FOXP2: variants seen among roughly 807,000 people sequenced by gnomAD.
FOXP2 encodes the protein forkhead box protein P2.
Under a neutral mutation model 115.8 loss-of-function variants are expected in FOXP2, and 12 were observed. The observed-to-expected ratio is 0.10, with a 90% CI of 0.07 to 0.17. FOXP2 has a LOEUF of 0.17. FOXP2 is among the 10% of genes least tolerant of loss of function. FOXP2 has a pLI of 1.00. For missense variants in FOXP2, 629 were observed against 843.5 expected (o/e 0.75, Z 3.15); for synonymous variants, 328 against 297.7 (o/e 1.10, Z -1.05).
rs1013724543 is a variant in FOXP2, at chr7:114,652,629, A to G, written c.1182+339A>G. ...ATTTTATTACAGAGAGAGTTTTTAC[A>G]TGAGCTAACCTTGATTTTTTTCCAT... On this transcript the variant is annotated intron_variant, in intron 9 of 16. Transcript: ENST00000350908. Among the ~76,000 whole-genome samples, 5 of 152,166 alleles carry G rather than the reference A, an allele frequency of 3.3e-5. No individual in the cohort carries two copies. In the East Asian group the frequency reaches 9.6e-4, roughly 29 times the overall value.
intron 2 of FOXP2, among the ~76,000 whole-genome samples, chr7:114,391,387 A>G (rs1451442962): frequency 1.3e-5 from 2 of 152,194 alleles, no homozygotes; most frequent in African/African-American, 2.4e-5. Flanking sequence ...AATTTTTTCT[A>G]AGTATTTTAC....
At chr7:114,510,548 A>G (rs1798018978) in intron 2 of FOXP2, among the ~76,000 whole-genome samples, 4 of 152,192 alleles carry the variant, frequency 2.6e-5, no homozygotes, top group African/African-American at 9.6e-5. Context: ...ATAATTTCAA[A>G]CTTTTCCTTA....
chr7:114,326,834 T>C (rs1797566054), intron 2 of FOXP2, among the ~76,000 whole-genome samples: 1 of 152,204 alleles, frequency 6.6e-6, no homozygotes, highest in Admixed American at 6.5e-5. Context: ...GAAATTTAGC[T>C]TCCTACTGAA....
intron 3 of FOXP2, among the ~76,000 whole-genome samples, chr7:114,551,708 A>G (rs563443844): frequency 6.6e-6 from 1 of 152,306 alleles, no homozygotes; most frequent in East Asian, 1.9e-4. Context: ...AAGAGAGAGA[A>G]AAATGTAGAA....
chr7:114,277,482 T>C (rs1796216965), intron 1 of FOXP2, among the ~76,000 whole-genome samples: 1 of 152,056 alleles, frequency 6.6e-6, no homozygotes, highest in South Asian at 2.1e-4. Context: ...ACCTACGTGA[T>C]TTTTTATAAA....
chr7:114,141,382 G>C (rs973058874), intron 1 of FOXP2, among the ~76,000 whole-genome samples: 1 of 152,206 alleles, frequency 6.6e-6, no homozygotes, highest in Non-Finnish European at 1.5e-5. Context: ...ACTCTTGCTA[G>C]AGCCTCTCAA....
chr7:114,480,580 TATATATACATATACATTC>T (rs1272039564), intron 2 of FOXP2, among the ~76,000 whole-genome samples: 1 of 150,212 alleles, frequency 6.7e-6, no homozygotes, highest in Non-Finnish European at 1.5e-5. Context: ...TAAATATATG[TATATATACATATACATTC>T]ATATATACAT....
At chr7:114,637,513 C>G (rs1028128583) in intron 6 of FOXP2, among the ~76,000 whole-genome samples, 1 of 152,094 alleles carries the variant, frequency 6.6e-6, no homozygotes. Flanking sequence ...CACGAGTGTT[C>G]TGGCCAAATT....
intron 2 of FOXP2, among the ~76,000 whole-genome samples, chr7:114,481,630 T>TA (rs749024230): frequency 6.6e-6 from 1 of 151,398 alleles, no homozygotes; most frequent in Non-Finnish European, 1.5e-5. Context: ...TCTCTGCACT[T>TA]AGAGTCCTGC....
intron 1 of FOXP2, among the ~76,000 whole-genome samples, chr7:114,187,244 T>C (rs1793631493): frequency 6.6e-6 from 1 of 152,196 alleles, no homozygotes; most frequent in Admixed American, 6.5e-5. Context: ...CTTTAAATTA[T>C]TTCTCTCATC....
At chr7:114,584,489 AT>A (rs1183190965) in intron 3 of FOXP2, among the ~76,000 whole-genome samples, 1 of 152,140 alleles carries the variant, frequency 6.6e-6, no homozygotes, top group Non-Finnish European at 1.5e-5. Flanking sequence ...ATTAGTTTAC[AT>A]TTCCTTATCT....
intron 2 of FOXP2, among the ~76,000 whole-genome samples, chr7:114,301,028 T>A (rs901361893): frequency 2.0e-5 from 3 of 152,030 alleles, no homozygotes; most frequent in African/African-American, 7.2e-5. Context: ...ATTTGAGATA[T>A]ATTATTTCAA....
intron 3 of FOXP2, among the ~76,000 whole-genome samples, chr7:114,553,727 A>G (rs1451974245): frequency 6.6e-6 from 1 of 152,162 alleles, no homozygotes; most frequent in South Asian, 2.1e-4. Context: ...AATACACATA[A>G]AAACAAGCTG....
At chr7:114,308,303 G>T (rs1027023048) in intron 2 of FOXP2, among the ~76,000 whole-genome samples, 7 of 152,110 alleles carry the variant, frequency 4.6e-5, no homozygotes, top group African/African-American at 1.7e-4. Flanking sequence ...TTATACTAAT[G>T]ATCTAGGATT....
chr7:114,583,606 A>C (rs181199536), intron 3 of FOXP2, among the ~76,000 whole-genome samples: 12 of 152,306 alleles, frequency 7.9e-5, no homozygotes, highest in Non-Finnish European at 1.5e-5. Flanking sequence ...AAATATGTTC[A>C]TTCTAAGTTG....
intron 1 of FOXP2, among the ~76,000 whole-genome samples, chr7:114,271,531 ATAT>A (rs1242343653): frequency 3.9e-5 from 5 of 129,534 alleles, no homozygotes; most frequent in South Asian, 2.1e-4. Context: ...TATAATTATT[ATAT>A]TATTATAATT....
chr7:114,239,822 C>T (rs555589931), intron 1 of FOXP2, among the ~76,000 whole-genome samples: 1 of 152,246 alleles, frequency 6.6e-6, no homozygotes, highest in South Asian at 2.1e-4. Flanking sequence ...AAGGTCTGGA[C>T]TAAGTTTAAA....
chr7:114,222,711 G>A (rs962633651), intron 1 of FOXP2, among the ~76,000 whole-genome samples: 14 of 152,272 alleles, frequency 9.2e-5, no homozygotes, highest in Admixed American at 4.6e-4. Flanking sequence ...CTTCATGAGC[G>A]TATTTTAAGG....
chr7:114,645,098 A>C (rs1805803896), intron 8 of FOXP2: 1 of 145,392 alleles, frequency 6.9e-6, no homozygotes, highest in South Asian at 1.5e-4. Context: ...TTAAGTTTTA[A>C]GTTTCTAATT....
Sources: gnomAD v4.1 joint callset for allele counts (sites outside exome capture counted in the v4.1 genomes callset) on GRCh38, gnomAD v4.1.1 for gene constraint, MANE v1.5 for transcripts, NCBI Gene and HGNC (gene_info 2026-07-23, HGNC 2026-07-21) for gene names.